The following FREM1 variants were observed in gnomAD, a reference collection of about 807,000 sequenced individuals.
FREM1 encodes the protein FRAS1 related extracellular matrix 1.
In FREM1, 220 loss-of-function variants were observed where a neutral mutation model predicts 210.1. That is an observed-to-expected ratio of 1.05 (90% CI 0.94 to 1.17). FREM1 has a LOEUF of 1.17. Ranked by LOEUF, FREM1 falls within the 50% of genes most tolerant of loss-of-function variation. The pLI is 0.00. For synonymous variants in FREM1, 1,189 were observed against 980.2 expected, an observed-to-expected ratio of 1.21 and a Z score of -3.98; for missense variants, 3,454 against 2,675.5, an observed-to-expected ratio of 1.29 and a Z score of -6.42.
intron 24 of FREM1, 101 bp downstream of exon 24, chr9:14,784,269 T>A (rs1238310327): frequency 1.9e-6 from 2 of 1,034,404 alleles, no homozygotes; most frequent in African/African-American, 3.2e-5. Context: ...AAGATACATG[T>A]ATTTTGTGAA....
chr9:14,819,420 A>C lies in FREM1; in HGVS notation c.2360T>G (p.Val787Gly), dbSNP rs1003871218. 5 of 1,612,280 alleles carry C rather than the reference A, an allele frequency of 3.1e-6. No homozygotes were observed. In the Admixed American group the frequency reaches 5.0e-5, roughly 16 times the overall value. The change falls in exon 14 of 37, where the codon GTG becomes GGG. Residue 787 changes from valine (V) to glycine (G), a missense_variant. Physicochemically the swap from Val to Gly is moderately radical, Grantham distance 109. Coordinates refer to ENST00000380880, the MANE Select transcript of FREM1 (RefSeq NM_001379081.2). ...VPEAFTNPLKVTEGGQSIIST... is the reference protein window; with the variant it reads ...VPEAFTNPLKGTEGGQSIIST... ...GATGATGCTTTGACCTCCCTCAGTC[A>C]CTTTCAGAGGGTTGGTGAACGCCTA...
chr9:14,830,305 T>C (rs1823307028), intron 10 of FREM1, among the ~76,000 whole-genome samples: 1 of 152,158 alleles, frequency 6.6e-6, no homozygotes, highest in Admixed American at 6.5e-5. Context: ...TATCACTTCA[T>C]ATTCTGATTC....
chr9:14,773,124 C>T (rs1333864121), intron 25 of FREM1, among the ~76,000 whole-genome samples: 1 of 152,124 alleles, frequency 6.6e-6, no homozygotes, highest in Non-Finnish European at 1.5e-5. Context: ...AAAGCTCTGT[C>T]CCCTGATAAC....
chr9:14,892,649 G>C (rs778077109), intron 1 of FREM1, among the ~76,000 whole-genome samples: 1 of 152,072 alleles, frequency 6.6e-6, no homozygotes, highest in Non-Finnish European at 1.5e-5. Flanking sequence ...GCATGTACAG[G>C]ATCATGGGAC....
intron 10 of FREM1, among the ~76,000 whole-genome samples, chr9:14,831,776 G>C (rs1823600426): frequency 6.6e-6 from 1 of 152,168 alleles, no homozygotes; most frequent in Non-Finnish European, 1.5e-5. Flanking sequence ...AGGTCAAAGG[G>C]AAATAAAAGG....
rs969640735 is a variant in FREM1, at chr9:14,842,367, T to C, written c.1687A>G (p.Lys563Glu). 2 of 1,609,756 alleles carry C rather than the reference T, an allele frequency of 1.2e-6. No homozygotes were observed. The highest frequency in any genetic ancestry group is 1.7e-6 in the Non-Finnish European group (2 of 1,176,712). ...SDDYIFFNIT[K>E]PPQAGEIMKK... ...ATGATCTCCCCAGCCTGTGGAGGCT[T>C]TGTGATATTGAAGAAGATGTAGTCA... The change falls in exon 9 of 37, where the codon AAG becomes GAG. Residue 563 changes from lysine (K) to glutamate (E), a missense_variant. By Grantham distance (56) the Lys-to-Glu change is moderately conservative. Transcript: ENST00000380880.
chr9:14,832,251 T>G (rs1276511979), intron 10 of FREM1, among the ~76,000 whole-genome samples: 3 of 152,190 alleles, frequency 2.0e-5, no homozygotes, highest in Non-Finnish European at 4.4e-5. Flanking sequence ...CCCTTCTCAT[T>G]GCAGGACCTT....
intron 24 of FREM1, chr9:14,782,342 C>G: frequency 1.0e-6 from 1 of 982,360 alleles, no homozygotes; most frequent in African/African-American, 1.7e-5. Context: ...AGGTTTTGTT[C>G]TTTATTCTCA....
intron 1 of FREM1, among the ~76,000 whole-genome samples, chr9:14,900,444 T>G (rs1838580228): frequency 6.6e-6 from 1 of 152,170 alleles, no homozygotes; most frequent in African/African-American, 2.4e-5. Flanking sequence ...TTGGCATGTC[T>G]AAAACAACCC....
intron 4 of FREM1, 146 bp downstream of exon 4, chr9:14,859,037 T>A: frequency 1.7e-6 from 1 of 576,086 alleles, no homozygotes; most frequent in Non-Finnish European, 2.9e-6. Context: ...GATTGTAAAG[T>A]CTGTGCTCTT....
intron 3 of FREM1, among the ~76,000 whole-genome samples, chr9:14,860,190 A>G (rs934906409): frequency 6.6e-6 from 1 of 152,110 alleles, no homozygotes; most frequent in Non-Finnish European, 1.5e-5. Context: ...TCCTTATAAA[A>G]ACCTAGGATA....
intron 3 of FREM1, among the ~76,000 whole-genome samples, chr9:14,860,780 T>TACACATATAC (rs372732430): frequency 1.2e-5 from 1 of 85,786 alleles, no homozygotes. Flanking sequence ...TACACATATA[T>TACACATATAC]ACATATATAC....
Position 14,868,732 on chromosome 9 carries a change from G to A in FREM1, c.234+12C>T, listed in dbSNP as rs368478626. 6 of 1,560,748 alleles carry A rather than the reference G, an allele frequency of 3.8e-6. No individual in the cohort carries two copies. Among genetic ancestry groups the A allele is most frequent in the Non-Finnish European group, 5.3e-6 (6 of 1,136,868 alleles). ...ACACACGACTGAACAGAAAATCGCA[G>A]ATAGGACCTACCTGTGGAGTGAGTT... On this transcript the variant is annotated intron_variant, in intron 2 of 36. Coordinates refer to ENST00000380880, the MANE Select transcript of FREM1 (RefSeq NM_001379081.2).
intron 29 of FREM1, among the ~76,000 whole-genome samples, chr9:14,753,366 T>C (rs1465271146): frequency 1.3e-5 from 2 of 152,244 alleles, no homozygotes; most frequent in South Asian, 2.1e-4. Flanking sequence ...TAAGGAATGA[T>C]GATCAATTAA....
intron 1 of FREM1, among the ~76,000 whole-genome samples, chr9:14,869,864 G>A (rs1287819323): frequency 6.6e-6 from 1 of 152,108 alleles, no homozygotes; most frequent in African/African-American, 2.4e-5. Flanking sequence ...CTACGAATGA[G>A]GTGACATAGC....
At chr9:14,872,781 T>C (rs1230530928) in intron 1 of FREM1, among the ~76,000 whole-genome samples, 3 of 151,860 alleles carry the variant, frequency 2.0e-5, no homozygotes, top group African/African-American at 2.4e-5. Flanking sequence ...TTTTTGCCCA[T>C]TCAGTATGAT....
chr9:14,806,011 C>T (rs1165812572), intron 18 of FREM1, among the ~76,000 whole-genome samples: 1 of 152,160 alleles, frequency 6.6e-6, no homozygotes, highest in Non-Finnish European at 1.5e-5. Flanking sequence ...GAGAATGAGA[C>T]CTTGTGAGCT....
rs182421106 is a variant in FREM1, at chr9:14,742,191, A to G, written c.6255-1957T>C. Among the ~76,000 whole-genome samples the G allele has an allele frequency of 3.1e-3, 468 of 152,296 alleles. 2 individuals carry two copies. Among genetic ancestry groups the G allele is most frequent in the African/African-American group, 0.011 (448 of 41,574 alleles). On this transcript the variant is annotated intron_variant, in intron 35 of 36. Transcript: ENST00000380880. ...TAGGTACACATACACAAATATTTGT[A>G]GTATAGAATTAGAAACAGAAGCTTT... is the stretch of plus-strand genomic sequence containing the variant.
intron 13 of FREM1, among the ~76,000 whole-genome samples, chr9:14,820,346 G>A (rs557750153): frequency 6.6e-5 from 10 of 152,078 alleles, no homozygotes; most frequent in Non-Finnish European, 1.3e-4. Flanking sequence ...ACCAAATCAC[G>A]GGCTCTGAGG....
Sources: allele counts gnomAD v4.1 joint callset (sites outside exome capture counted in the v4.1 genomes callset), GRCh38; gene constraint gnomAD v4.1.1; transcripts MANE v1.5; gene names NCBI Gene and HGNC (gene_info 2026-07-23, HGNC 2026-07-21).